ZC3H12B: variants seen among roughly 807,000 people sequenced by gnomAD.
ZC3H12B encodes the protein zinc finger CCCH-type containing 12B, also known as probable ribonuclease ZC3H12B.
In ZC3H12B, 7 loss-of-function variants were observed where a neutral mutation model predicts 43.9. That is an observed-to-expected ratio of 0.16 (90% CI 0.09 to 0.30). The LOEUF is 0.30. Among genes scored for constraint, ZC3H12B ranks in the 10% least tolerant of loss-of-function variants. ZC3H12B has a pLI of 1.00. For synonymous variants in ZC3H12B, 222 were observed against 241.7 expected, an observed-to-expected ratio of 0.92 and a Z score of 0.76; for missense variants, 475 against 670.2, an observed-to-expected ratio of 0.71 and a Z score of 3.22.
the ZC3H12B span, among the ~76,000 whole-genome samples, chrX:65,128,110 A>G: frequency 1.8e-5 from 2 of 112,015 alleles, no homozygotes; most frequent in African/African-American, 3.2e-5. Flanking sequence ...CAGTCTCCAC[A>G]TGCTGCTTTG....
At chrX:65,472,956 TTGTGTA>T (rs199546876) in intron 3 of ZC3H12B, among the ~76,000 whole-genome samples, 881 of 80,036 alleles carry the variant, frequency 0.011, 34 homozygotes, top group African/African-American at 0.058. Flanking sequence ...ATATATATGT[TTGTGTA>T]TGTGTATGTG....
chrX:65,102,911 G>T, the ZC3H12B span, among the ~76,000 whole-genome samples: 1 of 111,524 alleles, frequency 9.0e-6, no homozygotes, highest in South Asian at 3.8e-4. Flanking sequence ...TACGAATAGG[G>T]TGTGGGTCAC....
chrX:65,443,334 C>T (rs2067329566), intron 3 of ZC3H12B, among the ~76,000 whole-genome samples: 1 of 110,856 alleles, frequency 9.0e-6, no homozygotes, highest in Non-Finnish European at 1.9e-5. Context: ...CACGAATGGA[C>T]GCCACTTGCC....
the ZC3H12B span, among the ~76,000 whole-genome samples, chrX:65,167,415 C>T: frequency 8.1e-5 from 9 of 111,381 alleles, no homozygotes; most frequent in African/African-American, 2.9e-4. Context: ...TCTGTTTTGG[C>T]ACCGGTACCA....
the ZC3H12B span, among the ~76,000 whole-genome samples, chrX:65,057,926 A>C: frequency 9.0e-6 from 1 of 111,633 alleles, no homozygotes; most frequent in South Asian, 3.8e-4. Context: ...CATGGTTTTC[A>C]GCTCCTTCTG....
the ZC3H12B span, among the ~76,000 whole-genome samples, chrX:65,057,088 T>G: frequency 8.9e-6 from 1 of 111,892 alleles, no homozygotes; most frequent in Non-Finnish European, 1.9e-5. Flanking sequence ...CCATTTACAT[T>G]TAAGGTTAAT....
rs199858031 is a variant in ZC3H12B, at chrX:65,401,095, AAAC to A, written n.407+2393_407+2395del. Among the ~76,000 whole-genome samples the A allele has an allele frequency of 6.4e-3, 707 of 110,694 alleles. 12 individuals are homozygous for A. Among genetic ancestry groups the A allele is most frequent in the African/African-American group, 0.022 (676 of 30,459 alleles). ...ACTATCTACAGAGGAAAAAAAAAAA[AAAC>A]ACCTTCATTAGAACCAAAAATCAGA... is the stretch of plus-strand genomic sequence containing the variant. On this transcript the variant is annotated intron_variant and non_coding_transcript_variant, in intron 3 of 5. Transcript: ENST00000617377.
chrX:65,317,743 TTG>T, the ZC3H12B span, among the ~76,000 whole-genome samples: 7 of 104,194 alleles, frequency 6.7e-5, no homozygotes, highest in Admixed American at 1.1e-4. Flanking sequence ...GTATCCTATT[TTG>T]TGTGTGTGTG....
the ZC3H12B span, among the ~76,000 whole-genome samples, chrX:65,169,088 T>G: frequency 9.0e-6 from 1 of 111,723 alleles, no homozygotes; most frequent in Admixed American, 9.6e-5. Context: ...TTTGAATGTG[T>G]TTGCTCTTGC....
chrX:65,191,544 A>T, the ZC3H12B span, among the ~76,000 whole-genome samples: 1 of 101,766 alleles, frequency 9.8e-6, no homozygotes, highest in Non-Finnish European at 1.9e-5. Flanking sequence ...GTATGTGTCG[A>T]GTAATTTATC....
At chrX:65,127,788 T>A in the ZC3H12B span, among the ~76,000 whole-genome samples, 2,473 of 110,793 alleles carry the variant, frequency 0.022, 85 homozygotes, top group African/African-American at 0.078. Flanking sequence ...GTCATACAGT[T>A]GTCAGGAAGT....
chrX:65,443,287 A>G (rs1311226380), intron 3 of ZC3H12B, among the ~76,000 whole-genome samples: 6 of 110,613 alleles, frequency 5.4e-5, no homozygotes, highest in Non-Finnish European at 9.5e-5. Flanking sequence ...CATTCCAACC[A>G]TCGCTCCGGT....
the ZC3H12B span, among the ~76,000 whole-genome samples, chrX:65,144,747 G>A: frequency 9.0e-6 from 1 of 111,243 alleles, no homozygotes; most frequent in African/African-American, 3.3e-5. Flanking sequence ...TCATTCAGGA[G>A]CAGGTTATTT....
chrX:65,196,236 G>A, the ZC3H12B span, among the ~76,000 whole-genome samples: 9 of 107,452 alleles, frequency 8.4e-5, no homozygotes, highest in Admixed American at 7.1e-4. Context: ...GGAGCCCCTC[G>A]TGAGGCAAGC....
the ZC3H12B span, among the ~76,000 whole-genome samples, chrX:65,160,312 A>G: frequency 9.0e-6 from 1 of 111,561 alleles, no homozygotes; most frequent in Non-Finnish European, 1.9e-5. Context: ...TTTTGTATTG[A>G]TTGGAATAGT....
the ZC3H12B span, among the ~76,000 whole-genome samples, chrX:65,127,189 G>A: frequency 9.0e-6 from 1 of 111,595 alleles, no homozygotes; most frequent in East Asian, 2.9e-4. Context: ...TTCCCACAGG[G>A]TGCTCCCTTG....
At chrX:65,080,045 T>A in the ZC3H12B span, among the ~76,000 whole-genome samples, 1 of 109,947 alleles carries the variant, frequency 9.1e-6, no homozygotes, top group Admixed American at 9.7e-5. Flanking sequence ...TTTTTAAAAA[T>A]TAAGCAGAAA....
chrX:65,036,987 G>GTT, the ZC3H12B span, among the ~76,000 whole-genome samples: 7 of 97,280 alleles, frequency 7.2e-5, no homozygotes, highest in Admixed American at 2.2e-4. Flanking sequence ...CTGGAATGAA[G>GTT]TTTTTTTTTT....
the ZC3H12B span, among the ~76,000 whole-genome samples, chrX:65,323,283 A>G: frequency 1.8e-5 from 2 of 111,824 alleles, no homozygotes; most frequent in African/African-American, 6.5e-5. Context: ...TTGCCTTATC[A>G]TATACAGTTA....
Sources: allele counts gnomAD v4.1 joint callset (sites outside exome capture counted in the v4.1 genomes callset), GRCh38; gene constraint gnomAD v4.1.1; transcripts MANE v1.5; gene names NCBI Gene and HGNC (gene_info 2026-07-23, HGNC 2026-07-21).